The following RALGAPA2 variants were observed in gnomAD, a reference collection of about 807,000 sequenced individuals.
The protein encoded by RALGAPA2 is ral GTPase-activating protein subunit alpha-2.
A neutral mutation model predicts 230.4 loss-of-function variants in RALGAPA2; 139 were observed. That is an observed-to-expected ratio of 0.60 (90% confidence interval 0.53 to 0.69). The LOEUF (loss-of-function observed/expected upper bound fraction) is 0.69, where lower values mean the gene tolerates loss of function less well. Among genes scored for constraint, RALGAPA2 ranks in the 30% least tolerant of loss-of-function variants. The probability of loss-of-function intolerance (pLI) is 0.00; values close to 1 mark genes in which losing one functional copy is unlikely to be tolerated. For synonymous variants in RALGAPA2, 847 were observed against 837.8 expected (o/e 1.01, Z -0.19); for missense variants, 2,163 against 2,276.0 (o/e 0.95, Z 1.01).
chr20:20,424,211 T>C (rs1361106715), intron 37 of RALGAPA2, among the ~76,000 whole-genome samples: 1 of 152,214 alleles, frequency 6.6e-6, no homozygotes, highest in Non-Finnish European at 1.5e-5. Flanking sequence ...GCATTTTCCA[T>C]TTCCATCTTC....
chr20:20,612,954 G>T (rs1223409943), intron 13 of RALGAPA2, among the ~76,000 whole-genome samples: 1 of 152,190 alleles, frequency 6.6e-6, no homozygotes, highest in African/African-American at 2.4e-5. Context: ...AACAGACATC[G>T]TAAGTTTCAA....
intron 4 of RALGAPA2, among the ~76,000 whole-genome samples, chr20:20,651,093 G>A (rs533668470): frequency 6.6e-6 from 1 of 152,318 alleles, no homozygotes; most frequent in Non-Finnish European, 1.5e-5. Flanking sequence ...GCCGGGAGGA[G>A]AAGGCGCTGC....
chr20:20,503,534 T>A, intron 34 of RALGAPA2, 28 bp from the exon 35 acceptor site: 1 of 1,489,378 alleles, frequency 6.7e-7, no homozygotes, highest in Non-Finnish European at 9.0e-7. Flanking sequence ...GAAGAAAGAG[T>A]GAGGATCAAA....
At chr20:20,485,174 C>T (rs563218605) in intron 36 of RALGAPA2, among the ~76,000 whole-genome samples, 2 of 151,964 alleles carry the variant, frequency 1.3e-5, no homozygotes, top group South Asian at 2.1e-4. Context: ...GACAACCCTG[C>T]TCTAGTTCAT....
At chr20:20,642,816 T>A (rs182330066) in intron 5 of RALGAPA2, among the ~76,000 whole-genome samples, 12 of 152,284 alleles carry the variant, frequency 7.9e-5, no homozygotes, top group Admixed American at 7.2e-4. Context: ...TTTAAGCCAA[T>A]GTAAACCAAC....
rs566066606 is a variant in RALGAPA2, at chr20:20,680,826, T to C, written c.107-25A>G. 12 of 1,538,644 alleles carry C rather than the reference T, an allele frequency of 7.8e-6. No individual in the cohort carries two copies. The East Asian group carries it at 2.8e-4, about 36-fold the overall frequency. On this transcript the variant is annotated intron_variant, in intron 1 of 39. Coordinates refer to ENST00000202677, the MANE Select transcript of RALGAPA2 (RefSeq NM_020343.4). ...TCTGAAAAGAAAAAGTTTCCATTTA[T>C]GACAATTCACTTTATAAAATCACAA...
intron 23 of RALGAPA2, among the ~76,000 whole-genome samples, chr20:20,561,823 C>T (rs1449371567): frequency 6.6e-6 from 1 of 152,196 alleles, no homozygotes; most frequent in Non-Finnish European, 1.5e-5. Context: ...GGTTTCTCAA[C>T]CTCAGCAGTA....
At chr20:20,631,963 A>G (rs2066686079) in intron 9 of RALGAPA2, among the ~76,000 whole-genome samples, 3 of 151,372 alleles carry the variant, frequency 2.0e-5, no homozygotes, top group Non-Finnish European at 2.9e-5. Flanking sequence ...CATCCACAGT[A>G]CTAGGGACCA....
chr20:20,627,988 C>T (rs1211145827), intron 10 of RALGAPA2, among the ~76,000 whole-genome samples: 2 of 151,826 alleles, frequency 1.3e-5, no homozygotes, highest in South Asian at 2.1e-4. Context: ...AAAAGAGGGG[C>T]CAAGACATGA....
In RALGAPA2 at chr20:20,503,593, A is replaced by C. The variant is rs1165522725; in HGVS notation, c.5053-87T>G. On this transcript the variant is annotated intron_variant, in intron 34 of 39. Coordinates refer to ENST00000202677, the MANE Select transcript of RALGAPA2 (RefSeq NM_020343.4). ...AGGACTGTGAATTCAGAAAAAAAAT[A>C]AATTATTTTCGTTTTTATATCTTTC... 4 of 1,107,954 alleles carry C rather than the reference A, an allele frequency of 3.6e-6. No homozygotes were observed. In the East Asian group the frequency reaches 1.3e-4, roughly 35 times the overall value. 68.6% of individuals were successfully genotyped at this position (1,107,954 alleles called of 1,614,324 possible). A position where few individuals can be genotyped will look rare whatever the true frequency, so the allele number is the denominator to read the frequency against.
chr20:20,692,577 T>C (rs963070500), intron 1 of RALGAPA2, among the ~76,000 whole-genome samples: 4 of 152,206 alleles, frequency 2.6e-5, no homozygotes, highest in African/African-American at 9.6e-5. Flanking sequence ...CCAATTATGG[T>C]GGCAACATGC....
intron 37 of RALGAPA2, among the ~76,000 whole-genome samples, chr20:20,433,858 G>A (rs2060549352): frequency 6.6e-6 from 1 of 152,160 alleles, no homozygotes; most frequent in Non-Finnish European, 1.5e-5. Context: ...ATACATCAGT[G>A]AAATTCCGAA....
intron 1 of RALGAPA2, among the ~76,000 whole-genome samples, chr20:20,703,688 T>G (rs2069484883): frequency 6.6e-6 from 1 of 152,124 alleles, no homozygotes; most frequent in East Asian, 1.9e-4. Flanking sequence ...TGCGGTTAAG[T>G]CACAAGAAAG....
At chr20:20,664,724 T>G (rs969597584) in intron 3 of RALGAPA2, among the ~76,000 whole-genome samples, 3 of 152,208 alleles carry the variant, frequency 2.0e-5, no homozygotes, top group African/African-American at 7.2e-5. Context: ...CAAGACAGTT[T>G]CTATAGGAGT....
At chr20:20,599,726 A>G (rs777412964) in intron 16 of RALGAPA2, among the ~76,000 whole-genome samples, 4 of 152,132 alleles carry the variant, frequency 2.6e-5, no homozygotes, top group African/African-American at 4.8e-5. Context: ...TAATCCCAAC[A>G]CTTTGGAAGG....
chr20:20,493,060 G>A (rs1173251820), intron 36 of RALGAPA2, among the ~76,000 whole-genome samples: 1 of 152,188 alleles, frequency 6.6e-6, no homozygotes, highest in Non-Finnish European at 1.5e-5. Flanking sequence ...CTAACATTAT[G>A]GATATAAAAG....
At chr20:20,557,727 T>G (rs925189801) in intron 23 of RALGAPA2, among the ~76,000 whole-genome samples, 22 of 152,166 alleles carry the variant, frequency 1.4e-4, no homozygotes, top group Admixed American at 1.4e-3. Flanking sequence ...ACAACACTAC[T>G]GAATTTGGGT....
Position 20,512,994 on chromosome 20 carries a change from C to T in RALGAPA2, c.4375G>A (p.Val1459Met), listed in dbSNP as rs1481702157. 3 of 1,613,762 alleles carry T rather than the reference C, an allele frequency of 1.9e-6. No individual in the cohort carries two copies. The highest frequency in any genetic ancestry group is 2.5e-6 in the Non-Finnish European group (3 of 1,179,760). ...GAGATATCCCTCACAATTACTCTCA[C>T]ATCAGAGAGAGAGCCCACTGGTGAT... The part of the protein sequence containing the change: ...GGSPVGSLSD[V>M]RVIVRDISGK... Residue 1459 changes from valine (V) to methionine (M), a missense_variant, in exon 32 of 40, where the codon GTG (valine) becomes ATG (methionine). Val to Met is a conservative substitution (Grantham distance 21). Coordinates refer to ENST00000202677, the MANE Select transcript of RALGAPA2 (RefSeq NM_020343.4).
At chr20:20,693,321 A>G (rs892231861) in intron 1 of RALGAPA2, among the ~76,000 whole-genome samples, 4 of 152,232 alleles carry the variant, frequency 2.6e-5, no homozygotes, top group African/African-American at 7.2e-5. Flanking sequence ...TCAAATACCA[A>G]TATAATAAAA....
Sources: gnomAD v4.1 joint callset for allele counts (sites outside exome capture counted in the v4.1 genomes callset) on GRCh38, gnomAD v4.1.1 for gene constraint, MANE v1.5 for transcripts, NCBI Gene and HGNC (gene_info 2026-07-23, HGNC 2026-07-21) for gene names.